MACROD2: variants seen among roughly 807,000 people sequenced by gnomAD.
MACROD2 encodes mono-ADP ribosylhydrolase 2, also known as ADP-ribose glycohydrolase MACROD2.
A neutral mutation model predicts 70.4 loss-of-function variants in MACROD2; 36 were observed. The ratio of observed to expected loss-of-function variants is 0.51; its 90% confidence interval spans 0.39 to 0.68. The LOEUF is 0.68. Among genes scored for constraint, MACROD2 ranks in the 30% least tolerant of loss-of-function variants. The pLI, the probability that MACROD2 is intolerant of heterozygous loss-of-function variation, is 0.00. For missense variants in MACROD2, 496 were observed against 538.4 expected (o/e 0.92, Z 0.78); for synonymous variants, 172 against 178.8 (o/e 0.96, Z 0.30).
chr20:14,411,385 T>TA (rs889177427), intron 3 of MACROD2, among the ~76,000 whole-genome samples: 9 of 152,200 alleles, frequency 5.9e-5, no homozygotes, highest in African/African-American at 2.2e-4. Context: ...TGAATTCCCT[T>TA]AATGTTTTCT....
chr20:15,454,412 C>A (rs868197177), intron 7 of MACROD2, among the ~76,000 whole-genome samples: 156 of 41,402 alleles, frequency 3.8e-3, no homozygotes, highest in African/African-American at 0.011. Context: ...TTCAAACACA[C>A]ACACACACAC....
At chr20:14,833,396 G>A (rs1242751285) in intron 5 of MACROD2, among the ~76,000 whole-genome samples, 1 of 152,090 alleles carries the variant, frequency 6.6e-6, no homozygotes, top group African/African-American at 2.4e-5. Flanking sequence ...CCTGACAGCT[G>A]CAGAAGAAAT....
At chr20:15,282,322 T>C (rs1262119539) in intron 6 of MACROD2, among the ~76,000 whole-genome samples, 3 of 152,222 alleles carry the variant, frequency 2.0e-5, no homozygotes, top group Non-Finnish European at 4.4e-5. Flanking sequence ...TTTCAGAAAA[T>C]AGGTTTCTCT....
At chr20:15,517,226 C>CGTCAT (rs2047580740) in intron 8 of MACROD2, among the ~76,000 whole-genome samples, 1 of 152,096 alleles carries the variant, frequency 6.6e-6, no homozygotes, top group African/African-American at 2.4e-5. Context: ...TGACTCCACC[C>CGTCAT]GTCACCCTCA....
At chr20:15,924,738 G>C (rs1410737255) in intron 10 of MACROD2, among the ~76,000 whole-genome samples, 1 of 152,080 alleles carries the variant, frequency 6.6e-6, no homozygotes, top group South Asian at 2.1e-4. Flanking sequence ...TTCATGGGAT[G>C]ATTCTTCTAT....
At chr20:15,110,671 A>G (rs1568578575) in intron 5 of MACROD2, among the ~76,000 whole-genome samples, 1 of 152,226 alleles carries the variant, frequency 6.6e-6, no homozygotes, top group Non-Finnish European at 1.5e-5. Flanking sequence ...ATGCAACAGA[A>G]GGAAATATGA....
chr20:15,690,365 A>C (rs2050284271), intron 8 of MACROD2, among the ~76,000 whole-genome samples: 3 of 152,210 alleles, frequency 2.0e-5, no homozygotes, highest in African/African-American at 7.2e-5. Flanking sequence ...AAAATGATGC[A>C]CTGTGGTGGT....
At chr20:14,391,319 A>G (rs1293982586) in intron 3 of MACROD2, among the ~76,000 whole-genome samples, 3 of 152,222 alleles carry the variant, frequency 2.0e-5, no homozygotes, top group Admixed American at 1.3e-4. Context: ...TGTCCTTTGC[A>G]GGGATATGGA....
chr20:14,702,195 T>C (rs2071204287), intron 5 of MACROD2, among the ~76,000 whole-genome samples: 1 of 152,122 alleles, frequency 6.6e-6, no homozygotes. Context: ...AGAAAAGTAC[T>C]GAGAAAAATA....
intron 8 of MACROD2, among the ~76,000 whole-genome samples, chr20:15,796,827 A>G (rs2063678169): frequency 6.6e-6 from 1 of 151,552 alleles, no homozygotes; most frequent in South Asian, 2.1e-4. Context: ...GACTTTTCAC[A>G]TAGTTTATAG....
chr20:15,912,937 A>G (rs2065257869), intron 10 of MACROD2, among the ~76,000 whole-genome samples: 1 of 152,218 alleles, frequency 6.6e-6, no homozygotes, highest in Non-Finnish European at 1.5e-5. Flanking sequence ...AGTGTGTCAT[A>G]ATAAAAAGGA....
At chr20:14,971,331 T>C (rs928694758) in intron 5 of MACROD2, among the ~76,000 whole-genome samples, 2 of 151,938 alleles carry the variant, frequency 1.3e-5, no homozygotes, top group Non-Finnish European at 1.5e-5. Context: ...GTTGAATCCA[T>C]GGATATGAAA....
At chr20:15,881,701 A>T (rs1046944965) in intron 9 of MACROD2, among the ~76,000 whole-genome samples, 9 of 152,064 alleles carry the variant, frequency 5.9e-5, no homozygotes, top group African/African-American at 2.2e-4. Context: ...GCCTTTCGTT[A>T]GTTTTACAAA....
At chr20:14,717,440 T>C (rs1180936634) in intron 5 of MACROD2, among the ~76,000 whole-genome samples, 1 of 151,928 alleles carries the variant, frequency 6.6e-6, no homozygotes, top group Non-Finnish European at 1.5e-5. Context: ...AGGTCTTAAG[T>C]AAAATAAATC....
chr20:14,087,700 C>T (rs1363520339), intron 3 of MACROD2, among the ~76,000 whole-genome samples: 4 of 151,984 alleles, frequency 2.6e-5, no homozygotes, highest in African/African-American at 7.3e-5. Flanking sequence ...TTCTCTGTCC[C>T]GTGGGGCCTC....
intron 5 of MACROD2, among the ~76,000 whole-genome samples, chr20:14,965,611 C>T: frequency 6.7e-6 from 1 of 149,638 alleles, no homozygotes; most frequent in East Asian, 2.0e-4. Flanking sequence ...TAGGCGCCCG[C>T]CACTATGCCC....
intron 3 of MACROD2, among the ~76,000 whole-genome samples, chr20:14,377,568 G>C (rs2083383912): frequency 6.6e-6 from 1 of 152,168 alleles, no homozygotes; most frequent in African/African-American, 2.4e-5. Flanking sequence ...GAGACAAATA[G>C]CCTTGAGGCT....
chr20:14,724,842 G>A (rs1338180205), intron 5 of MACROD2, among the ~76,000 whole-genome samples: 1 of 152,326 alleles, frequency 6.6e-6, no homozygotes, highest in Non-Finnish European at 1.5e-5. Flanking sequence ...GGAGCCACTG[G>A]AAGGTTGTGA....
intron 6 of MACROD2, among the ~76,000 whole-genome samples, chr20:15,244,000 A>G (rs1443924085): frequency 6.6e-6 from 1 of 152,202 alleles, no homozygotes; most frequent in Non-Finnish European, 1.5e-5. Context: ...TAAATTTTAT[A>G]AACTCACAAT....
Sources: gnomAD v4.1 joint callset for allele counts (sites outside exome capture counted in the v4.1 genomes callset) on GRCh38, gnomAD v4.1.1 for gene constraint, MANE v1.5 for transcripts, NCBI Gene and HGNC (gene_info 2026-07-23, HGNC 2026-07-21) for gene names.